The following TACR1 variants were observed in gnomAD, a reference collection of about 807,000 sequenced individuals.
TACR1 encodes the protein substance-P receptor.
A neutral mutation model predicts 35.8 loss-of-function variants in TACR1; 25 were observed. The ratio of observed to expected loss-of-function variants is 0.70; its 90% CI spans 0.51 to 0.98. TACR1 has a LOEUF of 0.98. TACR1 is among the 50% of genes least tolerant of loss of function. The pLI is 0.00. For synonymous variants in TACR1, 195 were observed against 206.7 expected, an observed-to-expected ratio of 0.94 and a Z score of 0.48; for missense variants, 478 against 522.9, an observed-to-expected ratio of 0.91 and a Z score of 0.84.
At chr2:75,152,182 T>C (rs148633164) in intron 1 of TACR1, among the ~76,000 whole-genome samples, 69 of 152,260 alleles carry the variant, frequency 4.5e-4, no homozygotes, top group Admixed American at 2.2e-3. Context: ...TGGGGGACTG[T>C]TGGAAATGCA....
rs1340771849 is a variant in TACR1, at chr2:75,048,272, G to GC, written c.*1159dup. On this transcript the variant is annotated 3_prime_UTR_variant, in exon 5 of 5. Coordinates refer to ENST00000305249, the MANE Select transcript of TACR1 (RefSeq NM_001058.4). ...TGTAAAACTAAGAATGAAGGTTAGG[G>GC]CCCCCACCCTAAAATACCCAAAAGG... The GC allele has an allele frequency of 6.6e-6, 1 of 152,138 alleles. No homozygotes were observed. The highest frequency in any genetic ancestry group is 1.5e-5 in the Non-Finnish European group (1 of 68,020). The allele number at this position is 152,138 out of a possible 1,614,324, so 9.4% of individuals were successfully genotyped here. A position where few individuals can be genotyped will look rare whatever the true frequency, so the allele number is the denominator to read the frequency against.
intron 1 of TACR1, among the ~76,000 whole-genome samples, chr2:75,177,900 G>A (rs945535071): frequency 2.0e-5 from 3 of 152,070 alleles, no homozygotes; most frequent in East Asian, 3.9e-4. Context: ...ACAACATGAC[G>A]ATTTCACTTT....
chr2:75,051,194 C>T (rs202125238), intron 4 of TACR1, 57 bp downstream of exon 4: 6 of 1,611,602 alleles, frequency 3.7e-6, no homozygotes, highest in Non-Finnish European at 4.2e-6. Flanking sequence ...CGCTTGGCCA[C>T]TGTGTATGTA....
intron 1 of TACR1, among the ~76,000 whole-genome samples, chr2:75,179,853 A>G (rs1675520332): frequency 6.6e-6 from 1 of 152,178 alleles, no homozygotes; most frequent in South Asian, 2.1e-4. Context: ...GTAGACTTAG[A>G]CTGAGTGATG....
intron 1 of TACR1, among the ~76,000 whole-genome samples, chr2:75,196,627 C>T (rs1178626708): frequency 2.0e-5 from 3 of 152,152 alleles, no homozygotes; most frequent in Non-Finnish European, 4.4e-5. Flanking sequence ...GCTCCCTGCC[C>T]AATCCACTGT....
At chr2:75,145,182 T>G (rs1318815034) in intron 1 of TACR1, among the ~76,000 whole-genome samples, 1 of 152,100 alleles carries the variant, frequency 6.6e-6, no homozygotes, top group Non-Finnish European at 1.5e-5. Flanking sequence ...TAAAAGACAT[T>G]TAATAAAAAT....
chr2:75,091,750 A>G lies in TACR1; in HGVS notation c.584+28824T>C, dbSNP rs145316367. Among the ~76,000 whole-genome samples the G allele has an allele frequency of 4.7e-3, 713 of 152,232 alleles. 6 individuals carry two copies. The highest frequency in any genetic ancestry group is 0.016 in the African/African-American group (657 of 41,552). On this transcript the variant is annotated intron_variant, in intron 2 of 4. Transcript: ENST00000305249. The stretch of plus-strand genomic sequence containing the variant: ...CTAGAAGTGGGTTCCAAAACTTAAG[A>G]AGAGGGATTCACTCACATTCTCTTG...
At position 75,048,802 on chromosome 2, in the gene TACR1, A is replaced by G. The variant is rs1672408301; in HGVS notation, c.*630T>C. 6.6e-6 allele frequency: 1 copy of G among 152,344 alleles called. No individual in the cohort carries two copies. The highest frequency in any genetic ancestry group is 2.1e-4 in the South Asian group (1 of 4,820). 9.4% of individuals were successfully genotyped at this position (152,344 alleles called of 1,614,324 possible). ...ATTCTGCTTGCGTCGGCTGCTCAGG[A>G]CAGTCACCGGGGACATAATGTGGAA... On this transcript the variant is annotated 3_prime_UTR_variant, in exon 5 of 5. Transcript: ENST00000305249.
At chr2:75,101,874 G>T (rs1327332904) in intron 2 of TACR1, among the ~76,000 whole-genome samples, 2 of 152,072 alleles carry the variant, frequency 1.3e-5, no homozygotes, top group Non-Finnish European at 2.9e-5. Context: ...AACCCTGGAG[G>T]TGGAGGTTGC....
Position 75,186,532 on chromosome 2 carries a change from A to G in TACR1, c.389+12014T>C, listed in dbSNP as rs543217362. The stretch of plus-strand genomic sequence containing the variant: ...GCTAATTCTCTTTAATAAGTGTGTA[A>G]TATTTTACGATTTATTTATAATTTA... On this transcript the variant is annotated intron_variant, in intron 1 of 4. Coordinates refer to ENST00000305249, the MANE Select transcript of TACR1 (RefSeq NM_001058.4). Among the ~76,000 whole-genome samples the G allele has an allele frequency of 6.6e-5, 10 of 151,906 alleles. No homozygotes were observed. In the South Asian group the frequency reaches 1.7e-3, roughly 25 times the overall value.
chr2:75,113,532 CTTTTTTTTTTTT>C (rs11437762), intron 2 of TACR1, among the ~76,000 whole-genome samples: 1 of 92,084 alleles, frequency 1.1e-5, no homozygotes, highest in African/African-American at 4.5e-5. Context: ...TTTCTTCTTC[CTTTTTTTTTTTT>C]TTTTTTTTTT....
intron 2 of TACR1, among the ~76,000 whole-genome samples, chr2:75,114,475 G>C (rs911186632): frequency 2.6e-5 from 4 of 152,026 alleles, no homozygotes; most frequent in Non-Finnish European, 5.9e-5. Flanking sequence ...TTGTCCTCAG[G>C]GGCATTGCCC....
intron 2 of TACR1, among the ~76,000 whole-genome samples, chr2:75,120,093 A>G (rs889165453): frequency 6.6e-6 from 1 of 152,134 alleles, no homozygotes; most frequent in Non-Finnish European, 1.5e-5. Flanking sequence ...GCAAAGTGAA[A>G]GCAAGTTTAT....
intron 2 of TACR1, among the ~76,000 whole-genome samples, chr2:75,096,329 T>TTA (rs1673424186): frequency 6.6e-6 from 1 of 152,198 alleles, no homozygotes; most frequent in South Asian, 2.1e-4. Context: ...CCAGTCCCAG[T>TTA]GGAGGCTCCT....
chr2:75,122,976 T>G (rs1447163267), intron 1 of TACR1, among the ~76,000 whole-genome samples: 1 of 152,124 alleles, frequency 6.6e-6, no homozygotes, highest in East Asian at 1.9e-4. Flanking sequence ...CTGTATCCTC[T>G]TCAATCATGG....
chr2:75,048,685 C>G lies in TACR1; in HGVS notation c.*747G>C, dbSNP rs897595914. On this transcript the variant is annotated 3_prime_UTR_variant, in exon 5 of 5. Transcript: ENST00000305249. ...TTATCTAGTTCAGTCCCCTTGTTTA[C>G]AAGTAGGAAAAGAGGGTCAACTACA... is the stretch of plus-strand genomic sequence containing the variant. 1 of 151,990 alleles carries G rather than the reference C, an allele frequency of 6.6e-6. No individual in the cohort carries two copies. The highest frequency in any genetic ancestry group is 1.5e-5 in the Non-Finnish European group (1 of 68,026). The allele number at this position is 151,990 out of a possible 1,614,324, so 9.4% of individuals were successfully genotyped here.
intron 1 of TACR1, 78 bp downstream of exon 1, chr2:75,198,468 C>T: frequency 6.5e-7 from 1 of 1,537,116 alleles, no homozygotes; most frequent in Non-Finnish European, 8.8e-7. Flanking sequence ...ACCCATACCC[C>T]ACCCAGTTCC....
At chr2:75,055,152 T>C (rs1672545263) in intron 2 of TACR1, among the ~76,000 whole-genome samples, 1 of 152,236 alleles carries the variant, frequency 6.6e-6, no homozygotes, top group South Asian at 2.1e-4. Flanking sequence ...ATGATTTTCT[T>C]CCAATGAGGA....
chr2:75,103,179 G>A (rs1673572582), intron 2 of TACR1, among the ~76,000 whole-genome samples: 1 of 152,132 alleles, frequency 6.6e-6, no homozygotes, highest in Non-Finnish European at 1.5e-5. Flanking sequence ...CTAGAGCCCA[G>A]GTGTTGGTTT....
Sources: gnomAD v4.1 joint callset for allele counts (sites outside exome capture counted in the v4.1 genomes callset) on GRCh38, gnomAD v4.1.1 for gene constraint, MANE v1.5 for transcripts, NCBI Gene and HGNC (gene_info 2026-07-23, HGNC 2026-07-21) for gene names.